Variants in SEMA6D observed in about 807,000 individuals in gnomAD.
SEMA6D encodes the protein semaphorin 6D.
Under a neutral mutation model 106.6 loss-of-function variants are expected in SEMA6D, and 35 were observed. The ratio of observed to expected loss-of-function variants is 0.33; its 90% CI spans 0.25 to 0.44. SEMA6D has a LOEUF of 0.44. Ranked by LOEUF, SEMA6D falls within the 20% of genes least tolerant of loss-of-function variation. SEMA6D has a pLI of 1.00. For missense variants in SEMA6D, 1,185 were observed against 1,345.9 expected (o/e 0.88, Z 1.87); for synonymous variants, 499 against 487.7 (o/e 1.02, Z -0.31).
chr15:47,683,709 A>C (rs1410905473), intron 4 of SEMA6D, among the ~76,000 whole-genome samples: 3 of 152,208 alleles, frequency 2.0e-5, no homozygotes, highest in Non-Finnish European at 4.4e-5. Flanking sequence ...AACACACACA[A>C]ACGAGTTATT....
chr15:47,494,741 GATATATATATATATATAT>G (rs202139404), intron 3 of SEMA6D, among the ~76,000 whole-genome samples: 757 of 32,992 alleles, frequency 0.023, 29 homozygotes, highest in South Asian at 0.042. Context: ...GTGGGATGGA[GATATATATATATATATAT>G]ATATATATAT....
At chr15:47,756,335 C>CTT (rs1026850172) in intron 1 of SEMA6D, among the ~76,000 whole-genome samples, 3 of 145,868 alleles carry the variant, frequency 2.1e-5, no homozygotes, top group African/African-American at 7.5e-5. Flanking sequence ...ATGAACATTG[C>CTT]TTTTTTTTTT....
chr15:47,604,670 C>T (rs908114231), intron 4 of SEMA6D, among the ~76,000 whole-genome samples: 3 of 152,018 alleles, frequency 2.0e-5, no homozygotes, highest in Non-Finnish European at 2.9e-5. Context: ...CTCTAGGATC[C>T]ATCCTTGGTG....
At chr15:47,241,023 G>A (rs928118658) in intron 1 of SEMA6D, among the ~76,000 whole-genome samples, 3 of 152,032 alleles carry the variant, frequency 2.0e-5, no homozygotes, top group Non-Finnish European at 4.4e-5. Flanking sequence ...AACCACTGAG[G>A]AAATTAAAAC....
At chr15:47,585,493 T>G (rs4270119) in intron 3 of SEMA6D, among the ~76,000 whole-genome samples, 36,320 of 152,068 alleles carry the variant, frequency 0.24, 5,165 homozygotes, top group East Asian at 0.46. Context: ...AAAGGTAATA[T>G]TGCCTGGGGC....
chr15:47,319,232 G>T (rs187544033), intron 1 of SEMA6D, among the ~76,000 whole-genome samples: 20 of 152,218 alleles, frequency 1.3e-4, no homozygotes, highest in African/African-American at 4.8e-4. Flanking sequence ...ATTCATTGAA[G>T]CCCTTAGCAT....
chr15:47,768,828 A>G (rs2082485369), intron 18 of SEMA6D, 80 bp downstream of exon 18: 26 of 1,380,464 alleles, frequency 1.9e-5, no homozygotes, highest in Non-Finnish European at 2.5e-5. Flanking sequence ...GTGGTTCTCC[A>G]GAGGTGGGCC....
At chr15:47,348,001 G>T (rs981351329) in intron 1 of SEMA6D, among the ~76,000 whole-genome samples, 18 of 152,030 alleles carry the variant, frequency 1.2e-4, no homozygotes, top group Admixed American at 6.6e-4. Flanking sequence ...TCCACTCTTT[G>T]CCCTGTTTTT....
At chr15:47,331,320 A>G (rs2037331545) in intron 1 of SEMA6D, among the ~76,000 whole-genome samples, 1 of 152,218 alleles carries the variant, frequency 6.6e-6, no homozygotes, top group Non-Finnish European at 1.5e-5. Context: ...AGGAAATAAT[A>G]GATATATATG....
At chr15:47,730,642 G>T (rs1367955110) in intron 1 of SEMA6D, 2 of 1,595,936 alleles carry the variant, frequency 1.3e-6, no homozygotes, top group Admixed American at 3.3e-5. Flanking sequence ...GTCTGTACTT[G>T]TGGGCCAGCT....
chr15:47,365,817 C>T (rs964850101), intron 1 of SEMA6D, among the ~76,000 whole-genome samples: 1 of 149,392 alleles, frequency 6.7e-6, no homozygotes, highest in Non-Finnish European at 1.5e-5. Flanking sequence ...GCCGAGATCA[C>T]GCCACTGCAC....
At chr15:47,625,931 T>C (rs888821778) in intron 4 of SEMA6D, among the ~76,000 whole-genome samples, 8 of 152,130 alleles carry the variant, frequency 5.3e-5, no homozygotes, top group African/African-American at 1.9e-4. Flanking sequence ...CATATCTTAT[T>C]TTGAAGGCCA....
intron 3 of SEMA6D, among the ~76,000 whole-genome samples, chr15:47,527,940 A>G (rs1271278555): frequency 6.6e-6 from 1 of 152,232 alleles, no homozygotes; most frequent in African/African-American, 2.4e-5. Flanking sequence ...CAGGTTTCCC[A>G]TATTACTTCA....
chr15:47,698,625 TC>T (rs1182885262), intron 4 of SEMA6D, among the ~76,000 whole-genome samples: 1 of 152,206 alleles, frequency 6.6e-6, no homozygotes, highest in East Asian at 1.9e-4. Context: ...TTTCCCTTCT[TC>T]CATCTTTTCC....
At chr15:47,348,958 T>G (rs1011618725) in intron 1 of SEMA6D, among the ~76,000 whole-genome samples, 1 of 152,080 alleles carries the variant, frequency 6.6e-6, no homozygotes, top group Non-Finnish European at 1.5e-5. Context: ...CTGCCCTTGT[T>G]CTTAGCCAAG....
chr15:47,256,329 A>G (rs566311258), intron 1 of SEMA6D, among the ~76,000 whole-genome samples: 69 of 152,300 alleles, frequency 4.5e-4, no homozygotes, highest in South Asian at 1.2e-3. Flanking sequence ...GAGCTTTCCA[A>G]TCCATGAATA....
intron 1 of SEMA6D, among the ~76,000 whole-genome samples, chr15:47,392,954 G>A (rs1030404182): frequency 6.6e-6 from 1 of 152,120 alleles, no homozygotes; most frequent in Non-Finnish European, 1.5e-5. Flanking sequence ...AGTCCTGTTC[G>A]GGCACCTGCA....
chr15:47,446,679 T>C (rs538947173), intron 2 of SEMA6D, among the ~76,000 whole-genome samples: 2 of 152,112 alleles, frequency 1.3e-5, no homozygotes, highest in Non-Finnish European at 2.9e-5. Context: ...AAATCTACCA[T>C]GTTTGTTTGA....
chr15:47,675,235 C>G (rs935526025), intron 4 of SEMA6D, among the ~76,000 whole-genome samples: 8 of 152,098 alleles, frequency 5.3e-5, no homozygotes, highest in African/African-American at 1.9e-4. Flanking sequence ...AATTGTGTCT[C>G]CCTTGAATTT....
Sources: allele counts gnomAD v4.1 joint callset (sites outside exome capture counted in the v4.1 genomes callset), GRCh38; gene constraint gnomAD v4.1.1; transcripts MANE v1.5; gene names NCBI Gene and HGNC (gene_info 2026-07-23, HGNC 2026-07-21).